The following CPO variants were observed in gnomAD, a reference collection of about 807,000 sequenced individuals.
The protein encoded by CPO is carboxypeptidase O.
In CPO, 43 loss-of-function variants were observed where a neutral mutation model predicts 41.2. The observed-to-expected ratio is 1.04, with a 90% CI of 0.82 to 1.35. The LOEUF (loss-of-function observed/expected upper bound fraction) is 1.35, where lower values mean the gene tolerates loss of function less well. Ranked by LOEUF, CPO falls within the 40% of genes most tolerant of loss-of-function variation. The pLI is 0.00. For missense variants in CPO, 408 were observed against 451.7 expected (o/e 0.90, Z 0.88); for synonymous variants, 178 against 162.7 (o/e 1.09, Z -0.72).
intron 7 of CPO, among the ~76,000 whole-genome samples, chr2:206,967,366 G>GATAT (rs1491061719): frequency 1.4e-3 from 111 of 82,140 alleles, no homozygotes; most frequent in African/African-American, 3.5e-3. Flanking sequence ...TATAGATATA[G>GATAT]ATATAGATAT....
At chr2:206,960,620 T>A (rs946195531) in intron 5 of CPO, among the ~76,000 whole-genome samples, 1 of 152,250 alleles carries the variant, frequency 6.6e-6, no homozygotes, top group African/African-American at 2.4e-5. Context: ...TTCCTCCAAT[T>A]TAATTGTTTA....
chr2:206,962,346 C>G, intron 6 of CPO, 66 bp from the exon 7 acceptor site: 9 of 1,435,814 alleles, frequency 6.3e-6, no homozygotes, highest in Non-Finnish European at 7.8e-6. Context: ...ATGGATGACT[C>G]CTTGCCATTG....
In CPO at chr2:206,969,401, C is replaced by A; in HGVS notation, c.1090C>A (p.Leu364Met). Reference sequence around the variant, plus strand: ...AAGGGTGACATCTGCCACTATGCTGCTGGGCCTGCTGGTGTCCTGCATGTC... The same window carrying A: ...AAGGGTGACATCTGCCACTATGCTGATGGGCCTGCTGGTGTCCTGCATGTC... ...AGRVTSATML[L>M]GLLVSCMSLL Residue 364 changes from leucine to methionine, a missense_variant, in exon 9 of 9, where the codon CTG becomes ATG. Leu to Met is a conservative substitution (Grantham distance 15). Transcript: ENST00000272852. 1 of 1,614,066 alleles carries A rather than the reference C, an allele frequency of 6.2e-7. No homozygotes were observed. The highest frequency in any genetic ancestry group is 8.5e-7 in the Non-Finnish European group (1 of 1,179,986).
chr2:206,967,360 G>GATATATATATCTATATATATCTAT (rs1306787306), intron 7 of CPO, among the ~76,000 whole-genome samples: 1 of 112,348 alleles, frequency 8.9e-6, no homozygotes, highest in African/African-American at 2.9e-5. Context: ...TAGATATATA[G>GATATATATATCTATATATATCTAT]ATATAGATAT....
intron 7 of CPO, among the ~76,000 whole-genome samples, chr2:206,967,331 C>CTATATATATATATATATA (rs200615925): frequency 4.4e-4 from 52 of 118,496 alleles, no homozygotes; most frequent in African/African-American, 1.8e-3. Flanking sequence ...CTCTGAAATG[C>CTATATATATATATATATA]TATATATATA....
In CPO at chr2:206,965,939, C is replaced by T. The variant is rs371368998; in HGVS notation, c.778-2324C>T. ...CACCTCCAGAGACAGAAGTTGAATT[C>T]GGTAGTCTGGGGGATTTCCATTTTA... On this transcript the variant is annotated intron_variant, in intron 7 of 8. Transcript: ENST00000272852. Among the ~76,000 whole-genome samples, 70 of 152,150 alleles carry T rather than the reference C, an allele frequency of 4.6e-4. 3 individuals carry two copies. The South Asian group carries it at 0.014, about 30-fold the overall frequency.
rs999369624 is a variant in CPO, at chr2:206,959,720, T to C, written c.462T>C (p.Gly154=). 9 of 1,529,300 alleles carry C rather than the reference T, an allele frequency of 5.9e-6. No homozygotes were observed. The highest frequency in any genetic ancestry group is 8.2e-6 in the Non-Finnish European group (9 of 1,102,892). 94.7% of individuals were successfully genotyped at this position (1,529,300 alleles called of 1,614,324 possible). The change falls in exon 5 of 9, where the codon GGT becomes GGC. Residue 154 remains glycine (G), a synonymous_variant. Coordinates refer to ENST00000272852, the MANE Select transcript of CPO (RefSeq NM_173077.3). ...FYVLPVLNID[G]YIYTWTTDRL... ...TCCTTCCAGTTCTTAACATAGATGG[T>C]TATATCTACACTTGGACAACTGTGA...
At chr2:206,941,394 A>C (rs535207444) in intron 1 of CPO, among the ~76,000 whole-genome samples, 1 of 152,230 alleles carries the variant, frequency 6.6e-6, no homozygotes, top group East Asian at 1.9e-4. Flanking sequence ...ACTTTAAAAA[A>C]TAAAATAAAA....
chr2:206,957,328 A>G (rs145057339), intron 3 of CPO, among the ~76,000 whole-genome samples: 2,498 of 151,922 alleles, frequency 0.016, 67 homozygotes, highest in African/African-American at 0.058. Context: ...GTGAGCCGAG[A>G]TCATGCCACA....
chr2:206,940,129 T>C (rs1048726732), intron 1 of CPO, among the ~76,000 whole-genome samples: 2 of 152,122 alleles, frequency 1.3e-5, no homozygotes, highest in Non-Finnish European at 2.9e-5. Flanking sequence ...TTCACTTAAA[T>C]TGTATTACAG....
chr2:206,961,064 C>T, intron 6 of CPO, 122 bp downstream of exon 6: 1 of 718,814 alleles, frequency 1.4e-6, no homozygotes, highest in Non-Finnish European at 2.4e-6. Flanking sequence ...TTCTGGGCTT[C>T]CTAATGAGTT....
chr2:206,943,758 A>ATAGG (rs1379905491), intron 1 of CPO, among the ~76,000 whole-genome samples: 1 of 151,460 alleles, frequency 6.6e-6, no homozygotes, highest in Non-Finnish European at 1.5e-5. Context: ...AGATAGATAG[A>ATAGG]TAGATAGATA....
At chr2:206,951,632 G>A (rs534404113) in intron 2 of CPO, among the ~76,000 whole-genome samples, 2 of 152,300 alleles carry the variant, frequency 1.3e-5, no homozygotes, top group South Asian at 2.1e-4. Context: ...TAAAGGTCCA[G>A]TATGGCCCAT....
intron 5 of CPO, 139 bp from the exon 6 acceptor site, chr2:206,960,713 C>T (rs1284279253): frequency 1.5e-6 from 1 of 682,240 alleles, no homozygotes; most frequent in Non-Finnish European, 2.6e-6. Context: ...ATTACACACA[C>T]AAGCTGCCTA....
chr2:206,963,419 T>C lies in CPO; in HGVS notation c.777+805T>C, dbSNP rs550684863. Among the ~76,000 whole-genome samples the C allele has an allele frequency of 5.9e-5, 9 of 152,362 alleles. No homozygotes were observed. In the South Asian group the frequency reaches 1.7e-3, roughly 28 times the overall value. On this transcript the variant is annotated intron_variant, in intron 7 of 8. Transcript: ENST00000272852. The stretch of plus-strand genomic sequence containing the variant: ...AAGTATACAGTTCAGTAGTGTTAAG[T>C]ATATTCATATGGTTATGCAGCCAAT...
At chr2:206,947,735 G>A (rs547872120) in intron 1 of CPO, among the ~76,000 whole-genome samples, 2 of 152,116 alleles carry the variant, frequency 1.3e-5, no homozygotes, top group African/African-American at 4.8e-5. Flanking sequence ...TAAAAAATTG[G>A]CAAAAGACTT....
At chr2:206,951,184 A>T (rs752489985) in intron 2 of CPO, among the ~76,000 whole-genome samples, 21 of 152,192 alleles carry the variant, frequency 1.4e-4, no homozygotes, top group Non-Finnish European at 2.5e-4. Context: ...ACCCTCTATA[A>T]TCTCCATACA....
intron 1 of CPO, among the ~76,000 whole-genome samples, chr2:206,949,225 C>T (rs141756425): frequency 6.6e-6 from 1 of 152,236 alleles, no homozygotes; most frequent in African/African-American, 2.4e-5. Context: ...ATAAGAGTAC[C>T]TATCTCAGAG....
At chr2:206,942,324 A>C (rs1693045149) in intron 1 of CPO, among the ~76,000 whole-genome samples, 1 of 152,080 alleles carries the variant, frequency 6.6e-6, no homozygotes, top group Non-Finnish European at 1.5e-5. Context: ...TAACTCAGGG[A>C]GGTGGAATTA....
Sources: gnomAD v4.1 joint callset for allele counts (sites outside exome capture counted in the v4.1 genomes callset) on GRCh38, gnomAD v4.1.1 for gene constraint, MANE v1.5 for transcripts, NCBI Gene and HGNC (gene_info 2026-07-23, HGNC 2026-07-21) for gene names.